The following SEC24D variants were observed in gnomAD, a reference collection of about 807,000 sequenced individuals.
The protein encoded by SEC24D is SEC24 homolog D, COPII component, also known as protein transport protein Sec24D.
SEC24D carries 69 observed loss-of-function variants against 116.9 expected under a neutral mutation model. The observed-to-expected ratio is 0.59, with a 90% CI of 0.49 to 0.72. SEC24D has a LOEUF of 0.72. Ranked by LOEUF, SEC24D falls within the 30% of genes least tolerant of loss-of-function variation. SEC24D has a pLI of 0.00. For synonymous variants in SEC24D, 405 were observed against 442.8 expected, an observed-to-expected ratio of 0.91 and a Z score of 1.07; for missense variants, 1,131 against 1,264.1, an observed-to-expected ratio of 0.89 and a Z score of 1.60.
intron 6 of SEC24D, among the ~76,000 whole-genome samples, chr4:118,807,831 A>T (rs1729739546): frequency 6.6e-6 from 1 of 152,244 alleles, no homozygotes; most frequent in Non-Finnish European, 1.5e-5. Flanking sequence ...AAATGGCTCC[A>T]AACATAACTG....
intron 2 of SEC24D, among the ~76,000 whole-genome samples, chr4:118,828,533 T>C (rs1408577569): frequency 2.0e-5 from 3 of 151,896 alleles, no homozygotes; most frequent in African/African-American, 7.3e-5. Context: ...TCCCAGAAGG[T>C]TGGGGGAGGT....
At chr4:118,808,979 CT>C (rs11393316) in intron 6 of SEC24D, among the ~76,000 whole-genome samples, 70 of 147,454 alleles carry the variant, frequency 4.7e-4, no homozygotes, top group Middle Eastern at 3.5e-3. Flanking sequence ...CACCCAACTT[CT>C]TTTTTTTTTT....
At chr4:118,754,640 A>G (rs1726997365) in intron 11 of SEC24D, among the ~76,000 whole-genome samples, 1 of 152,104 alleles carries the variant, frequency 6.6e-6, no homozygotes, top group African/African-American at 2.4e-5. Flanking sequence ...TGGATTTGGG[A>G]TGTCAAGTTA....
At chr4:118,760,644 ACT>A (rs1727328195) in intron 10 of SEC24D, 1 of 151,790 alleles carries the variant, frequency 6.6e-6, no homozygotes, top group South Asian at 2.1e-4. Context: ...TCTTTTTGAG[ACT>A]CTGCTTTCAA....
chr4:118,793,471 A>C (rs1729036171), intron 8 of SEC24D, among the ~76,000 whole-genome samples: 1 of 79,226 alleles, frequency 1.3e-5, no homozygotes, highest in African/African-American at 3.7e-5. Flanking sequence ...CGTCTCAAAA[A>C]AAAAAAAAAA....
intron 8 of SEC24D, among the ~76,000 whole-genome samples, chr4:118,773,316 C>G (rs892288238): frequency 3.3e-5 from 5 of 152,094 alleles, no homozygotes; most frequent in African/African-American, 1.2e-4. Context: ...ACAATGGGAC[C>G]TAAATAAGAT....
Position 118,738,564 on chromosome 4 carries a change from G to A in SEC24D, c.2378-185C>T, listed in dbSNP as rs982459452. ...GACTAAATATGATGATCTAACTAATGGAGAACATTGGCCTACCTACAGCAA... is the reference window on the plus strand; with the variant it reads ...GACTAAATATGATGATCTAACTAATAGAGAACATTGGCCTACCTACAGCAA... On this transcript the variant is annotated intron_variant, in intron 18 of 22. Transcript: ENST00000280551. Among the ~76,000 whole-genome samples, 5 of 152,128 alleles carry A rather than the reference G, an allele frequency of 3.3e-5. No individual in the cohort carries two copies. In the South Asian group the frequency reaches 1.0e-3, roughly 32 times the overall value.
intron 8 of SEC24D, among the ~76,000 whole-genome samples, chr4:118,790,166 G>T (rs1368461331): frequency 6.6e-6 from 1 of 152,176 alleles, no homozygotes; most frequent in African/African-American, 2.4e-5. Context: ...TTGAGTCTTG[G>T]ATGAAAGTTT....
intron 15 of SEC24D, among the ~76,000 whole-genome samples, chr4:118,743,154 A>T (rs951168880): frequency 6.6e-6 from 1 of 152,064 alleles, no homozygotes; most frequent in African/African-American, 2.4e-5. Flanking sequence ...TGATCCCTAA[A>T]ATCCCAATAA....
chr4:118,817,954 T>G (rs956468939), intron 3 of SEC24D, among the ~76,000 whole-genome samples: 3 of 152,014 alleles, frequency 2.0e-5, no homozygotes, highest in Admixed American at 1.3e-4. Flanking sequence ...AGATGATCAC[T>G]TGAGTCCAGG....
At position 118,747,676 on chromosome 4, in the gene SEC24D, C is replaced by T. The variant is rs112031878; in HGVS notation, c.1708-2616G>A. ...TCCTCAACTTTTCTTGCCTGGCCCA[C>T]CCAATTCCCCTAAGGCATTCACTGT... On this transcript the variant is annotated intron_variant, in intron 13 of 22. Transcript: ENST00000280551. Among the ~76,000 whole-genome samples the T allele has an allele frequency of 4.5e-4, 69 of 152,254 alleles. 1 individual carries two copies. The highest frequency in any genetic ancestry group is 1.6e-3 in the African/African-American group (65 of 41,548).
At chr4:118,745,361 G>A (rs552614782) in intron 13 of SEC24D, among the ~76,000 whole-genome samples, 7 of 152,256 alleles carry the variant, frequency 4.6e-5, no homozygotes, top group South Asian at 4.1e-4. Context: ...GATGTGTTAC[G>A]ACGAAATACT....
At chr4:118,749,555 A>G (rs537083503) in intron 13 of SEC24D, among the ~76,000 whole-genome samples, 1 of 152,304 alleles carries the variant, frequency 6.6e-6, no homozygotes, top group South Asian at 2.1e-4. Context: ...CTCCCTGTGC[A>G]CAGGGGATGA....
chr4:118,822,665 G>A (rs1234276049), intron 3 of SEC24D, among the ~76,000 whole-genome samples: 1 of 152,060 alleles, frequency 6.6e-6, no homozygotes, highest in Non-Finnish European at 1.5e-5. Flanking sequence ...TTGACCTCCT[G>A]GGCTCAAGCA....
intron 7 of SEC24D, among the ~76,000 whole-genome samples, chr4:118,801,240 C>T (rs1391969037): frequency 3.4e-5 from 5 of 146,594 alleles, no homozygotes; most frequent in South Asian, 4.3e-4. Flanking sequence ...CCAGCCTGGG[C>T]GACAGAGCAA....
At chr4:118,792,423 T>C (rs1728968073) in intron 8 of SEC24D, among the ~76,000 whole-genome samples, 2 of 152,116 alleles carry the variant, frequency 1.3e-5, no homozygotes. Context: ...CGGGCCTAAA[T>C]GACGATGGCG....
At chr4:118,820,972 C>A (rs1462195356) in intron 3 of SEC24D, among the ~76,000 whole-genome samples, 1 of 152,128 alleles carries the variant, frequency 6.6e-6, no homozygotes, top group African/African-American at 2.4e-5. Context: ...TTTTCTGTGG[C>A]CTGTTCAACT....
At chr4:118,748,540 C>T (rs1203427123) in intron 13 of SEC24D, among the ~76,000 whole-genome samples, 1 of 152,068 alleles carries the variant, frequency 6.6e-6, no homozygotes, top group Non-Finnish European at 1.5e-5. Context: ...GCGAGTCATA[C>T]AGAATTAATG....
intron 19 of SEC24D, among the ~76,000 whole-genome samples, chr4:118,734,292 C>T (rs1223167504): frequency 1.3e-5 from 2 of 151,808 alleles, no homozygotes; most frequent in South Asian, 4.2e-4. Context: ...CGGGTCACTG[C>T]AACCTTGCCT....
Sources: gnomAD v4.1 joint callset for allele counts (sites outside exome capture counted in the v4.1 genomes callset) on GRCh38, gnomAD v4.1.1 for gene constraint, MANE v1.5 for transcripts, NCBI Gene and HGNC (gene_info 2026-07-23, HGNC 2026-07-21) for gene names.